CDH19: variants seen among roughly 807,000 people sequenced by gnomAD.
The protein encoded by CDH19 is cadherin-19.
A neutral mutation model predicts 64.2 loss-of-function variants in CDH19; 67 were observed. The observed-to-expected ratio is 1.04, with a 90% CI of 0.86 to 1.28. The LOEUF (loss-of-function observed/expected upper bound fraction) is 1.28. CDH19 is among the 50% of genes most tolerant of loss of function. The probability of loss-of-function intolerance (pLI) is 0.00; values close to 1 mark genes in which losing one functional copy is unlikely to be tolerated. For synonymous variants in CDH19, 346 were observed against 319.3 expected, an observed-to-expected ratio of 1.08 and a Z score of -0.89; for missense variants, 1,030 against 929.0, an observed-to-expected ratio of 1.11 and a Z score of -1.41.
In CDH19 at chr18:66,504,757, A is replaced by G. The variant is rs996954523; in HGVS notation, c.*55T>C. On this transcript the variant is annotated 3_prime_UTR_variant, in exon 12 of 12. Coordinates refer to ENST00000262150, the MANE Select transcript of CDH19 (RefSeq NM_021153.4). The stretch of plus-strand genomic sequence containing the variant: ...CCAGGGCACAAAACTCTTTAAGACT[A>G]CCATTGGGTTCGAATACACATTAGC... 22 of 1,521,600 alleles carry G rather than the reference A, an allele frequency of 1.4e-5. No individual in the cohort carries two copies. The highest frequency in any genetic ancestry group is 6.5e-5 in the South Asian group (5 of 77,070). The allele number at this position is 1,521,600 out of a possible 1,614,324, so 94.3% of individuals were successfully genotyped here.
chr18:66,549,541 C>T (rs1209278334), intron 5 of CDH19, among the ~76,000 whole-genome samples: 1 of 152,060 alleles, frequency 6.6e-6, no homozygotes, highest in African/African-American at 2.4e-5. Flanking sequence ...TGTGACACTA[C>T]ACAGAGAGAG....
At chr18:66,569,355 T>G (rs1038631444) in intron 2 of CDH19, among the ~76,000 whole-genome samples, 7 of 151,646 alleles carry the variant, frequency 4.6e-5, no homozygotes, top group Non-Finnish European at 8.9e-5. Context: ...TTTTACAAAC[T>G]TTTTTCAGAG....
chr18:66,524,180 T>C (rs1372707585), intron 9 of CDH19, among the ~76,000 whole-genome samples: 1 of 152,150 alleles, frequency 6.6e-6, no homozygotes, highest in Non-Finnish European at 1.5e-5. Context: ...TATTTTTTTC[T>C]TTATTTTTAT....
intron 1 of CDH19, among the ~76,000 whole-genome samples, chr18:66,594,911 C>T (rs34331133): frequency 0.024 from 3,514 of 149,276 alleles, 143 homozygotes; most frequent in African/African-American, 0.079. Context: ...TGCTAGATAA[C>T]GAGTTAGTGG....
intron 1 of CDH19, chr18:66,596,022 T>C (rs536227352): frequency 9.2e-5 from 14 of 152,202 alleles, no homozygotes; most frequent in Non-Finnish European, 1.8e-4. Context: ...TGTAAATAAA[T>C]AAATGTGATT....
In CDH19 at chr18:66,572,283, T is replaced by C; in HGVS notation, c.-79A>G. On this transcript the variant is annotated 5_prime_UTR_variant, in exon 2 of 12. Coordinates refer to ENST00000262150, the MANE Select transcript of CDH19 (RefSeq NM_021153.4). ...CTAACAAAAATCTTGCTTTCTTTTA[T>C]AATCTTTTCTGATTCTGTGTACCTT... is the stretch of plus-strand genomic sequence containing the variant. 1.8e-6 allele frequency: 2 copies of C among 1,124,730 alleles called. No homozygotes were observed. The highest frequency in any genetic ancestry group is 3.2e-5 in the South Asian group (2 of 62,226). 69.7% of individuals were successfully genotyped at this position (1,124,730 alleles called of 1,614,324 possible).
intron 3 of CDH19, among the ~76,000 whole-genome samples, chr18:66,562,905 C>T (rs1242907639): frequency 6.6e-6 from 1 of 151,878 alleles, no homozygotes; most frequent in Non-Finnish European, 1.5e-5. Context: ...CTGAGTAAAA[C>T]CTGAGGTAAA....
chr18:66,554,335 C>A (rs1987439664), intron 4 of CDH19, 70 bp downstream of exon 4: 2 of 1,496,658 alleles, frequency 1.3e-6, no homozygotes, highest in African/African-American at 1.4e-5. Flanking sequence ...TGTTTCTAAG[C>A]AGATAATTTT....
intron 3 of CDH19, among the ~76,000 whole-genome samples, chr18:66,560,748 AT>A: frequency 6.6e-6 from 1 of 152,002 alleles, no homozygotes; most frequent in Non-Finnish European, 1.5e-5. Flanking sequence ...TTTAGGGTGC[AT>A]TATCTGATAA....
At chr18:66,584,661 T>G (rs953038815) in intron 1 of CDH19, among the ~76,000 whole-genome samples, 1 of 152,072 alleles carries the variant, frequency 6.6e-6, no homozygotes, top group African/African-American at 2.4e-5. Context: ...CACTGCTCTT[T>G]AGTGACAGAC....
chr18:66,603,574 C>T (rs1002217978), intron 1 of CDH19, among the ~76,000 whole-genome samples: 3 of 151,436 alleles, frequency 2.0e-5, no homozygotes, highest in Non-Finnish European at 2.9e-5. Context: ...ATGGTAAATA[C>T]ATGATAAATA....
In CDH19 at chr18:66,505,269, C is replaced by T. The variant is rs146814012; in HGVS notation, c.1862G>A (p.Arg621Gln). ...FIFLTLGLKQ[R>Q]RKQILFPEKS... ...CTCAGGAAATAGAATCTGTTTTCTC[C>T]GTTGTTTTAAACCCAAAGTCAAAAA... Residue 621 changes from arginine to glutamine, a missense_variant, in exon 12 of 12, where the codon CGG (arginine) becomes CAG (glutamine). Transcript: ENST00000262150. The T allele has an allele frequency of 1.3e-5, 21 of 1,579,132 alleles. No individual in the cohort carries two copies. The African/African-American group carries it at 2.5e-4, about 19-fold the overall frequency.
chr18:66,566,424 A>G (rs495748), intron 3 of CDH19, among the ~76,000 whole-genome samples: 96,412 of 151,478 alleles, frequency 0.64, 32,083 homozygotes, highest in African/African-American at 0.83. Flanking sequence ...TTGAATAGTC[A>G]TAAACAAGCA....
chr18:66,503,347 A>AT lies in CDH19; in HGVS notation c.*1464dup, dbSNP rs1168386502. The AT allele has an allele frequency of 6.6e-6, 1 of 151,872 alleles. No individual in the cohort carries two copies. Among genetic ancestry groups the AT allele is most frequent in the African/African-American group, 2.4e-5 (1 of 41,432 alleles). 9.4% of individuals were successfully genotyped at this position (151,872 alleles called of 1,614,324 possible). A position where few individuals can be genotyped will look rare whatever the true frequency, so the allele number is the denominator to read the frequency against. The stretch of plus-strand genomic sequence containing the variant: ...ATTGCACCTAATTTTATATTCAATA[A>AT]TAAAAAAATGACACTGAAGCATCAG... On this transcript the variant is annotated 3_prime_UTR_variant, in exon 12 of 12. Transcript: ENST00000262150.
At chr18:66,538,452 C>A (rs1196171639) in intron 7 of CDH19, among the ~76,000 whole-genome samples, 1 of 151,992 alleles carries the variant, frequency 6.6e-6, no homozygotes, top group Non-Finnish European at 1.5e-5. Flanking sequence ...TATCACCCTC[C>A]TTTCCTTTGT....
chr18:66,514,879 T>A (rs929387562), intron 9 of CDH19, among the ~76,000 whole-genome samples: 1 of 151,600 alleles, frequency 6.6e-6, no homozygotes, highest in Non-Finnish European at 1.5e-5. Flanking sequence ...GACAGCTAAT[T>A]TAAGATGCAA....
intron 7 of CDH19, 38 bp from the exon 8 acceptor site, chr18:66,535,145 C>T (rs2144441721): frequency 1.5e-6 from 2 of 1,307,354 alleles, no homozygotes; most frequent in Non-Finnish European, 2.1e-6. Context: ...TATTTTTATT[C>T]TATCTGCATA....
intron 10 of CDH19, among the ~76,000 whole-genome samples, chr18:66,510,806 C>T (rs1985445720): frequency 6.6e-6 from 1 of 151,452 alleles, no homozygotes; most frequent in East Asian, 1.9e-4. Flanking sequence ...TGCATTTACT[C>T]TCGTATGAAA....
chr18:66,542,184 A>G (rs181985823), intron 7 of CDH19, among the ~76,000 whole-genome samples: 22 of 152,310 alleles, frequency 1.4e-4, no homozygotes, highest in African/African-American at 5.3e-4. Context: ...ATTGATATGC[A>G]CTTATACAAT....
Sources: gnomAD v4.1 joint callset for allele counts (sites outside exome capture counted in the v4.1 genomes callset) on GRCh38, gnomAD v4.1.1 for gene constraint, MANE v1.5 for transcripts, NCBI Gene and HGNC (gene_info 2026-07-23, HGNC 2026-07-21) for gene names.